The following EBF2 variants were observed in gnomAD, a reference collection of about 807,000 sequenced individuals.
EBF2 encodes the protein EBF transcription factor 2.
Under a neutral mutation model 72.8 loss-of-function variants are expected in EBF2, and 21 were observed. The ratio of observed to expected loss-of-function variants is 0.29; its 90% CI spans 0.20 to 0.42. The LOEUF (loss-of-function observed/expected upper bound fraction) is 0.42, where lower values mean the gene tolerates loss of function less well. Ranked by LOEUF, EBF2 falls within the 10% of genes least tolerant of loss-of-function variation. The probability of loss-of-function intolerance (pLI) is 1.00; values close to 1 mark genes in which losing one functional copy is unlikely to be tolerated. For missense variants in EBF2, 637 were observed against 731.2 expected, an observed-to-expected ratio of 0.87 and a Z score of 1.49; for synonymous variants, 299 against 274.2, an observed-to-expected ratio of 1.09 and a Z score of -0.89.
At chr8:26,005,553 T>TAGAG (rs1381800595) in intron 6 of EBF2, among the ~76,000 whole-genome samples, 1 of 25,146 alleles carries the variant, frequency 4.0e-5, no homozygotes, top group African/African-American at 2.2e-4. Flanking sequence ...TATATATATA[T>TAGAG]ATATATATAG....
At chr8:25,988,474 G>T (rs191731288) in intron 6 of EBF2, among the ~76,000 whole-genome samples, 28 of 152,214 alleles carry the variant, frequency 1.8e-4, no homozygotes, top group Admixed American at 1.8e-3. Context: ...TTATCTCTGG[G>T]GTGTTACCAC....
At chr8:25,923,910 AC>A (rs1803343705) in intron 6 of EBF2, among the ~76,000 whole-genome samples, 1 of 144,578 alleles carries the variant, frequency 6.9e-6, no homozygotes, top group East Asian at 2.1e-4. Flanking sequence ...AGCTCTTTTA[AC>A]CTGGGCTGAA....
chr8:25,852,053 T>G (rs1801989393), intron 14 of EBF2, among the ~76,000 whole-genome samples: 1 of 152,222 alleles, frequency 6.6e-6, no homozygotes, highest in Non-Finnish European at 1.5e-5. Flanking sequence ...CATCTTATCC[T>G]TAAAGTAGTC....
chr8:25,902,573 G>T (rs1310623302), intron 7 of EBF2, among the ~76,000 whole-genome samples: 1 of 151,930 alleles, frequency 6.6e-6, no homozygotes, highest in Non-Finnish European at 1.5e-5. Flanking sequence ...CAGAATGCCT[G>T]CCATTATGCT....
At chr8:25,985,192 C>T (rs963371332) in intron 6 of EBF2, among the ~76,000 whole-genome samples, 1 of 152,212 alleles carries the variant, frequency 6.6e-6, no homozygotes, top group South Asian at 2.1e-4. Context: ...GCAGCTAGAC[C>T]TCCCCTCACT....
At chr8:25,903,992 A>T (rs1802995661) in intron 7 of EBF2, among the ~76,000 whole-genome samples, 1 of 152,166 alleles carries the variant, frequency 6.6e-6, no homozygotes, top group Non-Finnish European at 1.5e-5. Flanking sequence ...AAGCCAAGAG[A>T]GTGGATGAGA....
At chr8:25,965,970 CTA>C (rs1804108488) in intron 6 of EBF2, among the ~76,000 whole-genome samples, 1 of 152,208 alleles carries the variant, frequency 6.6e-6, no homozygotes, top group African/African-American at 2.4e-5. Flanking sequence ...CCCCTGCACT[CTA>C]TGAACAAGGA....
At chr8:25,848,931 T>A (rs1801901156) in intron 15 of EBF2, among the ~76,000 whole-genome samples, 2 of 152,178 alleles carry the variant, frequency 1.3e-5, no homozygotes, top group Non-Finnish European at 2.9e-5. Flanking sequence ...GGAAGGAAAG[T>A]ACGGTAAATA....
At chr8:25,914,919 T>TTAAG (rs1803186153) in intron 6 of EBF2, among the ~76,000 whole-genome samples, 1 of 152,186 alleles carries the variant, frequency 6.6e-6, no homozygotes, top group Non-Finnish European at 1.5e-5. Context: ...AAAAGCCCAT[T>TTAAG]TAAGATCTGA....
chr8:25,943,984 G>A (rs1803723782), intron 6 of EBF2, among the ~76,000 whole-genome samples: 1 of 152,160 alleles, frequency 6.6e-6, no homozygotes, highest in African/African-American at 2.4e-5. Flanking sequence ...TTGTGTCCCA[G>A]ACTCGTGGTC....
intron 7 of EBF2, among the ~76,000 whole-genome samples, chr8:25,901,356 AGG>A (rs1343679210): frequency 1.3e-5 from 2 of 150,760 alleles, no homozygotes; most frequent in Admixed American, 6.7e-5. Flanking sequence ...GGAGAGGCAG[AGG>A]TTGCAGTGAG....
At chr8:25,992,142 T>C (rs1477073616) in intron 6 of EBF2, among the ~76,000 whole-genome samples, 2 of 151,726 alleles carry the variant, frequency 1.3e-5, no homozygotes, top group East Asian at 3.9e-4. Flanking sequence ...GTGATTCTCC[T>C]ACCTTGGCCT....
chr8:26,039,987 TGC>T (rs1563216722), intron 5 of EBF2, 39 bp downstream of exon 5: 19 of 1,603,378 alleles, frequency 1.2e-5, no homozygotes, highest in Non-Finnish European at 1.6e-5. Flanking sequence ...CTGGAGCACC[TGC>T]GGGCTCTCCA....
At chr8:25,914,111 G>T (rs1469482507) in intron 6 of EBF2, among the ~76,000 whole-genome samples, 1 of 152,128 alleles carries the variant, frequency 6.6e-6, no homozygotes, top group African/African-American at 2.4e-5. Flanking sequence ...TCTCACACCA[G>T]ACTGAGAAGC....
At chr8:26,008,356 C>G (rs1804915885) in intron 6 of EBF2, among the ~76,000 whole-genome samples, 5 of 152,176 alleles carry the variant, frequency 3.3e-5, no homozygotes, top group African/African-American at 7.2e-5. Flanking sequence ...CACGTCCTGC[C>G]TTGATCACTG....
At chr8:26,024,906 G>A (rs1195954975) in intron 6 of EBF2, among the ~76,000 whole-genome samples, 1 of 152,136 alleles carries the variant, frequency 6.6e-6, no homozygotes, top group Non-Finnish European at 1.5e-5. Context: ...TGTGATGTCT[G>A]ATATCTAAGA....
At chr8:25,908,838 C>G (rs1275341147) in intron 6 of EBF2, among the ~76,000 whole-genome samples, 1 of 152,056 alleles carries the variant, frequency 6.6e-6, no homozygotes, top group African/African-American at 2.4e-5. Flanking sequence ...TTGTAGAGCA[C>G]TCGTTCTGGA....
At chr8:25,869,206 T>C (rs1802387787) in intron 10 of EBF2, among the ~76,000 whole-genome samples, 1 of 151,970 alleles carries the variant, frequency 6.6e-6, no homozygotes, top group South Asian at 2.1e-4. Flanking sequence ...AATAAGAGAG[T>C]ATCTTTTTGT....
chr8:25,979,372 C>G (rs987594563), intron 6 of EBF2, among the ~76,000 whole-genome samples: 4 of 152,154 alleles, frequency 2.6e-5, no homozygotes, highest in Admixed American at 1.3e-4. Context: ...CCCCGGCCCT[C>G]GAGTCACATT....
Sources: allele counts gnomAD v4.1 joint callset (sites outside exome capture counted in the v4.1 genomes callset), GRCh38; gene constraint gnomAD v4.1.1; transcripts MANE v1.5; gene names NCBI Gene and HGNC (gene_info 2026-07-23, HGNC 2026-07-21).